Variants in SLC52A1 observed in about 807,000 individuals in gnomAD.
SLC52A1 encodes solute carrier family 52, riboflavin transporter, member 1.
A neutral mutation model predicts 23.2 loss-of-function variants in SLC52A1; 20 were observed. The observed-to-expected ratio is 0.86, with a 90% CI of 0.61 to 1.25. SLC52A1 has a LOEUF of 1.25. Ranked by LOEUF, SLC52A1 falls within the 50% of genes most tolerant of loss-of-function variation. The pLI, the probability that SLC52A1 is intolerant of heterozygous loss-of-function variation, is 0.00. For synonymous variants in SLC52A1, 260 were observed against 256.6 expected, an observed-to-expected ratio of 1.01 and a Z score of -0.13; for missense variants, 528 against 557.0, an observed-to-expected ratio of 0.95 and a Z score of 0.52.
Position 5,033,332 on chromosome 17 carries a change from A to G in SLC52A1, c.1063T>C (p.Tyr355His), listed in dbSNP as rs1567734307. The stretch of plus-strand genomic sequence containing the variant: ...CTCAGGATTGCCAGTGCCATCAGGT[A>G]GGCCCCAAAGAGCATGCCCAGCAGA... Reference protein sequence around the residue: ...LSLLGMLFGAYLMALAILSPC... With the variant: ...LSLLGMLFGAHLMALAILSPC... Residue 355 changes from tyrosine (Y) to histidine (H), a missense_variant, in exon 4 of 5, where the codon TAC becomes CAC. Transcript: ENST00000254853. The G allele has an allele frequency of 6.2e-7, 1 of 1,614,042 alleles. No homozygotes were observed. The highest frequency in any genetic ancestry group is 1.3e-5 in the African/African-American group (1 of 75,040).
At chr17:5,036,692 G>A (rs3885779), upstream of SLC52A1, among the ~76,000 whole-genome samples, 64,445 of 151,846 alleles carry the variant, frequency 0.42, 14,914 homozygotes, top group Non-Finnish European at 0.54. Context: ...GATTACAGGC[G>A]TGAGCCACCA....
At chr17:5,042,264 G>T (rs1975552892) in intron 1 of SLC52A1, among the ~76,000 whole-genome samples, 1 of 152,104 alleles carries the variant, frequency 6.6e-6, no homozygotes, top group Non-Finnish European at 1.5e-5. Flanking sequence ...GTTGTGCAGG[G>T]GATAAACTCT....
chr17:5,041,777 A>G (rs562373048), intron 1 of SLC52A1, among the ~76,000 whole-genome samples: 1 of 140,650 alleles, frequency 7.1e-6, no homozygotes, highest in African/African-American at 2.7e-5. Flanking sequence ...CCACACCCCA[A>G]AATTTTTTTG....
At position 5,033,276 on chromosome 17, in the gene SLC52A1, TGCAGTGGTGCCCACCAGG is replaced by T. The variant is rs1423702466; in HGVS notation, c.1101_1118del (p.Leu368_Ala373del). The T allele has an allele frequency of 1.9e-6, 3 of 1,614,084 alleles. No individual in the cohort carries two copies. The highest frequency in any genetic ancestry group is 2.5e-6 in the Non-Finnish European group (3 of 1,179,988). On this transcript the variant is annotated inframe_deletion, in exon 4 of 5. Transcript: ENST00000254853. ...ACTTGCTCACCACAAGGACCACCCC[TGCAGTGGTGCCCACCAGG>T]GGTGGGCAGGGGCTCAGGATTGCCA...
At chr17:5,041,684 G>C (rs991325218) in intron 1 of SLC52A1, among the ~76,000 whole-genome samples, 1 of 151,944 alleles carries the variant, frequency 6.6e-6, no homozygotes, top group Admixed American at 6.6e-5. Context: ...TTATCATGTT[G>C]GCCAGGCTGG....
chr17:5,035,477 GGC>G (rs1461919115), upstream of SLC52A1: 1 of 152,292 alleles, frequency 6.6e-6, no homozygotes, highest in African/African-American at 2.4e-5. Context: ...GAGTGGCTGG[GGC>G]GGGCTCTGCC....
intron 1 of SLC52A1, among the ~76,000 whole-genome samples, chr17:5,042,041 A>C (rs1975550705): frequency 6.6e-6 from 1 of 152,142 alleles, no homozygotes; most frequent in Non-Finnish European, 1.5e-5. Flanking sequence ...CAGCCGTCCA[A>C]CTTCCAATTT....
In SLC52A1 at chr17:5,034,316, C is replaced by T. The variant is rs771313556; in HGVS notation, c.173G>A (p.Gly58Glu). 6.3e-7 allele frequency: 1 copy of T among 1,590,730 alleles called. No homozygotes were observed. Among genetic ancestry groups the T allele is most frequent in the South Asian group, 1.1e-5 (1 of 87,514 alleles). The change falls in exon 3 of 5, where the codon GGA becomes GAA. Residue 58 changes from glycine to glutamate, a missense_variant. Physicochemically the swap from Gly to Glu is moderately conservative, Grantham distance 98. Transcript: ENST00000254853. Reference sequence around the variant, plus strand: ...GGTCACCACCAGCAGACCCAGGTTTCCCAGCGCCACAACCACAGAGAGGTA... The same window carrying T: ...GGTCACCACCAGCAGACCCAGGTTTTCCAGCGCCACAACCACAGAGAGGTA... ...PSYLSVVVAL[G>E]NLGLLVVTLW...
In SLC52A1 at chr17:5,033,250, C is replaced by T. The variant is rs141935493; in HGVS notation, c.1134+11G>A. ...CACCCTCCTCCCCACTTCATGTCTC[C>T]ACTTGCTCACCACAAGGACCACCCC... On this transcript the variant is annotated intron_variant, in intron 4 of 4. Coordinates refer to ENST00000254853, the MANE Select transcript of SLC52A1 (RefSeq NM_017986.4). The T allele has an allele frequency of 3.2e-3, 5,139 of 1,613,586 alleles. 15 individuals are homozygous for T. Among genetic ancestry groups the T allele is most frequent in the Non-Finnish European group, 3.8e-3 (4,520 of 1,179,640 alleles).
rs1975410259 is a variant in SLC52A1, at chr17:5,034,486, G to C, written c.121C>G (p.Leu41Val). 6.2e-7 allele frequency: 1 copy of C among 1,614,090 alleles called. No individual in the cohort carries two copies. The highest frequency in any genetic ancestry group is 8.5e-7 in the Non-Finnish European group (1 of 1,180,042). The change falls in exon 2 of 5, where the codon CTT (leucine) becomes GTT (valine). Residue 41 changes from leucine to valine, a missense_variant. Physicochemically the swap from Leu to Val is conservative, Grantham distance 32. Transcript: ENST00000254853. ...WVELPVVVKD[L>V]PEGWSLPSYL... ...CCTCCCTCCCACTCACCCTCTGGAA[G>C]GTCTTTTACCACCACAGGCAGCTCC... is the stretch of plus-strand genomic sequence containing the variant.
Position 5,035,386 on chromosome 17 carries a change from G to A in SLC52A1, c.-633C>T, listed in dbSNP as rs142161266. The A allele has an allele frequency of 2.8e-4, 43 of 152,446 alleles. No individual in the cohort carries two copies. Among genetic ancestry groups the A allele is most frequent in the African/African-American group, 9.4e-4 (39 of 41,592 alleles). The allele number at this position is 152,446 out of a possible 1,614,324, so 9.4% of individuals were successfully genotyped here. On this transcript the variant is annotated 5_prime_UTR_variant, in exon 1 of 5. Coordinates refer to ENST00000254853, the MANE Select transcript of SLC52A1 (RefSeq NM_017986.4). ...CACCCTCAAATGGACCCCGGGACAA[G>A]GGCACGTCTCTGGTGCCACTTGCAA...
At chr17:5,038,308 C>G (rs1465929047), upstream of SLC52A1, among the ~76,000 whole-genome samples, 4 of 151,998 alleles carry the variant, frequency 2.6e-5, no homozygotes, top group Admixed American at 6.6e-5. Flanking sequence ...GAGAGGATCA[C>G]TTGAGCCCAG....
upstream of SLC52A1, among the ~76,000 whole-genome samples, chr17:5,035,906 G>C (rs1394892749): frequency 9.2e-6 from 1 of 108,254 alleles, no homozygotes; most frequent in Non-Finnish European, 1.7e-5. Flanking sequence ...TTTTGGTAGA[G>C]ACAAGGTCTC....
rs546216662 is a variant in SLC52A1, at chr17:5,032,890, G to T, written c.*67C>A. The T allele has an allele frequency of 4.2e-6, 6 of 1,440,048 alleles. No homozygotes were observed. The East Asian group carries it at 1.4e-4, about 33-fold the overall frequency. 89.2% of individuals were successfully genotyped at this position (1,440,048 alleles called of 1,614,324 possible). A position where few individuals can be genotyped will look rare whatever the true frequency, so the allele number is the denominator to read the frequency against. ...GGGAAGCCTGCCTGGGCCACAAGTA[G>T]TCAGGCACTGTGGCAGCCTCACGAT... On this transcript the variant is annotated 3_prime_UTR_variant, in exon 5 of 5. Coordinates refer to ENST00000254853, the MANE Select transcript of SLC52A1 (RefSeq NM_017986.4).
At chr17:5,036,018 G>A (rs1003774828), upstream of SLC52A1, among the ~76,000 whole-genome samples, 3 of 139,616 alleles carry the variant, frequency 2.1e-5, no homozygotes, top group African/African-American at 7.9e-5. Flanking sequence ...CCTAGCTACC[G>A]CCACGCTCAG....
At chr17:5,035,763 C>T (rs1174745138), upstream of SLC52A1, among the ~76,000 whole-genome samples, 2 of 149,674 alleles carry the variant, frequency 1.3e-5, no homozygotes, top group Middle Eastern at 3.2e-3. Context: ...TGCGCGATCG[C>T]GGCTCACTAC....
intron 1 of SLC52A1, among the ~76,000 whole-genome samples, chr17:5,041,086 T>G (rs938565886): frequency 2.0e-5 from 3 of 151,648 alleles, no homozygotes; most frequent in African/African-American, 7.3e-5. Flanking sequence ...TGAGCCACCG[T>G]GCCCGGCCTG....
upstream of SLC52A1, among the ~76,000 whole-genome samples, chr17:5,039,168 C>G (rs1221515214): frequency 6.6e-6 from 1 of 151,320 alleles, no homozygotes; most frequent in Non-Finnish European, 1.5e-5. Context: ...ACTAAAAATA[C>G]AAAAATCAGC....
At chr17:5,036,274 C>T (rs902984363), upstream of SLC52A1, among the ~76,000 whole-genome samples, 3 of 151,620 alleles carry the variant, frequency 2.0e-5, no homozygotes, top group African/African-American at 7.3e-5. Context: ...AGGTGATCCA[C>T]CTGCCCCGGC....
Sources: allele counts gnomAD v4.1 joint callset (sites outside exome capture counted in the v4.1 genomes callset), GRCh38; gene constraint gnomAD v4.1.1; transcripts MANE v1.5; gene names NCBI Gene and HGNC (gene_info 2026-07-23, HGNC 2026-07-21).